MET: variants seen among roughly 807,000 people sequenced by gnomAD.
MET encodes the protein hepatocyte growth factor receptor.
Under a neutral mutation model 133.1 loss-of-function variants are expected in MET, and 48 were observed. The ratio of observed to expected loss-of-function variants is 0.36; its 90% CI spans 0.29 to 0.46. The LOEUF is 0.46. MET is among the 20% of genes least tolerant of loss of function. The probability of loss-of-function intolerance (pLI) is 1.00; values close to 1 mark genes in which losing one functional copy is unlikely to be tolerated. For missense variants in MET, 1,442 were observed against 1,695.9 expected, an observed-to-expected ratio of 0.85 and a Z score of 2.63; for synonymous variants, 628 against 616.5, an observed-to-expected ratio of 1.02 and a Z score of -0.28.
intron 1 of MET, among the ~76,000 whole-genome samples, chr7:116,694,266 A>G (rs1484565023): frequency 6.6e-6 from 1 of 152,148 alleles, no homozygotes; most frequent in Non-Finnish European, 1.5e-5. Context: ...TGGTGATTAC[A>G]TTTTCTCATT....
intron 5 of MET, among the ~76,000 whole-genome samples, chr7:116,744,186 A>C (rs1793568932): frequency 6.6e-6 from 1 of 152,210 alleles, no homozygotes; most frequent in African/African-American, 2.4e-5. Context: ...ACAGAGAATG[A>C]GTTTAACAAA....
intron 19 of MET, 88 bp from the exon 20 acceptor site, chr7:116,795,567 A>C: frequency 6.3e-7 from 1 of 1,586,758 alleles, no homozygotes. Flanking sequence ...ATGTAAAGCC[A>C]AGTTTAGTTA....
At chr7:116,765,473 C>A (rs1363630057) in intron 11 of MET, among the ~76,000 whole-genome samples, 1 of 151,494 alleles carries the variant, frequency 6.6e-6, no homozygotes, top group Non-Finnish European at 1.5e-5. Context: ...TGTGAGAGTC[C>A]CTCAATTCAT....
chr7:116,730,257 C>T (rs965450990), intron 2 of MET, among the ~76,000 whole-genome samples: 21 of 152,096 alleles, frequency 1.4e-4, no homozygotes, highest in African/African-American at 4.3e-4. Context: ...TGGGAGAACA[C>T]GTGACATATT....
intron 3 of MET, among the ~76,000 whole-genome samples, chr7:116,735,683 ATC>A (rs1350962296): frequency 2.0e-5 from 3 of 151,752 alleles, no homozygotes; most frequent in Non-Finnish European, 2.9e-5. Context: ...TAACTTACCC[ATC>A]TCTTTTATAA....
intron 5 of MET, among the ~76,000 whole-genome samples, chr7:116,752,462 CCA>C (rs938595021): frequency 1.2e-4 from 19 of 152,270 alleles, no homozygotes; most frequent in African/African-American, 4.6e-4. Flanking sequence ...CATTTCCTGC[CCA>C]CAGAGTTTCT....
intron 17 of MET, 109 bp downstream of exon 17, chr7:116,779,066 T>C (rs1795078037): frequency 2.7e-6 from 3 of 1,101,768 alleles, no homozygotes; most frequent in Non-Finnish European, 4.0e-6. Flanking sequence ...AAGATGCACA[T>C]TTAAAATGTT....
rs554029534 is a variant in MET, at chr7:116,797,908, T to A, written c.*1784T>A. ...TTGGCTGTTGTTGCAGGAAAATGAT[T>A]ATAACTAAAAGCTCTCTGATAGTGC... On this transcript the variant is annotated 3_prime_UTR_variant, in exon 21 of 21. Transcript: ENST00000397752. 71 of 223,626 alleles carry A rather than the reference T, an allele frequency of 3.2e-4. No homozygotes were observed. The Middle Eastern group carries it at 7.0e-3, about 22-fold the overall frequency. The allele number at this position is 223,626 out of a possible 1,614,324, so 13.9% of individuals were successfully genotyped here. A position where few individuals can be genotyped will look rare whatever the true frequency, so the allele number is the denominator to read the frequency against.
At position 116,700,216 on chromosome 7, in the gene MET, G is replaced by A. The variant is rs749738523; in HGVS notation, c.1132G>A (p.Val378Ile). ...KYVNDFFNKI[V>I]NKNNVRCLQH... ...TGTCAACGACTTCTTCAACAAGATC[G>A]TCAACAAAAACAATGTGAGATGTCT... Residue 378 changes from valine (V) to isoleucine (I), a missense_variant, in exon 2 of 21, where the codon GTC becomes ATC. Physicochemically the swap from Val to Ile is conservative, Grantham distance 29 (BLOSUM62 3). This residue lies in a region of MET where 762 missense variants were observed against 792.4 expected (regional missense o/e 0.96). Transcript: ENST00000397752. The A allele has an allele frequency of 4.1e-5, 65 of 1,596,092 alleles. No individual in the cohort carries two copies. Among genetic ancestry groups the A allele is most frequent in the Middle Eastern group, 1.7e-4 (1 of 5,964 alleles).
At chr7:116,788,454 T>TA (rs1383836032) in intron 19 of MET, among the ~76,000 whole-genome samples, 1 of 152,172 alleles carries the variant, frequency 6.6e-6, no homozygotes, top group Admixed American at 6.5e-5. Context: ...GACAGCCACA[T>TA]ACATGCAACA....
chr7:116,680,297 C>T (rs1027479697), intron 1 of MET, among the ~76,000 whole-genome samples: 4 of 152,142 alleles, frequency 2.6e-5, no homozygotes, highest in Middle Eastern at 3.2e-3. Flanking sequence ...AGTAATAAAT[C>T]ATATATCAGT....
chr7:116,789,181 C>T (rs949901709), intron 19 of MET, among the ~76,000 whole-genome samples: 1 of 152,132 alleles, frequency 6.6e-6, no homozygotes, highest in African/African-American at 2.4e-5. Context: ...TCCTCAATGG[C>T]TTCTCTTCCT....
chr7:116,711,619 C>A (rs1337559243), intron 2 of MET, among the ~76,000 whole-genome samples: 1 of 151,894 alleles, frequency 6.6e-6, no homozygotes, highest in East Asian at 1.9e-4. Flanking sequence ...TATTATCATT[C>A]CAGACAGGTT....
rs1306081840 is a variant in MET, at chr7:116,741,014, G to A, written c.1690G>A (p.Ala564Thr). Residue 564 changes from alanine to threonine, a missense_variant, in exon 5 of 21, where the codon GCA becomes ACA. Ala to Thr is a moderately conservative substitution (Grantham distance 58). This residue lies in a region of MET where 762 missense variants were observed against 792.4 expected (regional missense o/e 0.96). Coordinates refer to ENST00000397752, the MANE Select transcript of MET (RefSeq NM_000245.4). ...ATGGACTCAACAGATCTGTCTGCCT[G>A]CAATCTACAAGGTAGGAATCTCTAA... ...GTWTQQICLP[A>T]IYKVFPNSAP... The A allele has an allele frequency of 6.2e-7, 1 of 1,612,958 alleles. No individual in the cohort carries two copies. Among genetic ancestry groups the A allele is most frequent in the Non-Finnish European group, 8.5e-7 (1 of 1,179,784 alleles).
chr7:116,727,180 TAAATG>T (rs1050436532), intron 2 of MET, among the ~76,000 whole-genome samples: 2 of 152,210 alleles, frequency 1.3e-5, no homozygotes, highest in African/African-American at 4.8e-5. Context: ...GTCAGGGACT[TAAATG>T]AGATGATCTC....
At chr7:116,703,713 A>ACATT (rs779353566) in intron 2 of MET, among the ~76,000 whole-genome samples, 2 of 152,254 alleles carry the variant, frequency 1.3e-5, no homozygotes, top group Non-Finnish European at 2.9e-5. Context: ...GAATCAGTAC[A>ACATT]CATTGGCCCA....
At chr7:116,764,099 G>A (rs1794516982) in intron 11 of MET, among the ~76,000 whole-genome samples, 1 of 152,142 alleles carries the variant, frequency 6.6e-6, no homozygotes, top group African/African-American at 2.4e-5. Flanking sequence ...GTCTTTATTT[G>A]GTTGTAATAT....
intron 5 of MET, among the ~76,000 whole-genome samples, chr7:116,745,399 T>C (rs1403719773): frequency 1.3e-5 from 2 of 152,170 alleles, no homozygotes; most frequent in African/African-American, 4.8e-5. Flanking sequence ...AAGCTACCAA[T>C]GACTTTCTTC....
At chr7:116,676,140 C>T (rs1339840999) in intron 1 of MET, among the ~76,000 whole-genome samples, 1 of 152,120 alleles carries the variant, frequency 6.6e-6, no homozygotes, top group African/African-American at 2.4e-5. Context: ...TAATCACATA[C>T]CCAGGTACAC....
Sources: gnomAD v4.1 joint callset for allele counts (sites outside exome capture counted in the v4.1 genomes callset) on GRCh38, gnomAD v4.1.1 for gene constraint, gnomAD v4.1.1 regional missense constraint, MANE v1.5 for transcripts, NCBI Gene and HGNC (gene_info 2026-07-23, HGNC 2026-07-21) for gene names.